The following FSTL4 variants were observed in gnomAD, a reference collection of about 807,000 sequenced individuals.
FSTL4 encodes follistatin like 4.
In FSTL4, 28 loss-of-function variants were observed where a neutral mutation model predicts 78.2. That is an observed-to-expected ratio of 0.36 (90% CI 0.27 to 0.49). FSTL4 has a LOEUF of 0.49. FSTL4 is among the 20% of genes least tolerant of loss of function. FSTL4 has a pLI of 0.98. For missense variants in FSTL4, 922 were observed against 1,084.9 expected, an observed-to-expected ratio of 0.85 and a Z score of 2.11; for synonymous variants, 422 against 440.5, an observed-to-expected ratio of 0.96 and a Z score of 0.53.
At chr5:133,641,143 G>A in the FSTL4 span, among the ~76,000 whole-genome samples, 1 of 152,250 alleles carries the variant, frequency 6.6e-6, no homozygotes, top group East Asian at 1.9e-4. Flanking sequence ...TGCTGATTGA[G>A]TAACTTGGAG....
intron 5 of FSTL4, 128 bp downstream of exon 5, chr5:133,316,331 G>A (rs1054417824): frequency 1.5e-5 from 10 of 681,134 alleles, no homozygotes; most frequent in Admixed American, 8.2e-5. Context: ...GGAAGAACCT[G>A]ACCTCATTTT....
At chr5:133,463,748 T>C (rs530403383) in intron 3 of FSTL4, among the ~76,000 whole-genome samples, 11 of 152,348 alleles carry the variant, frequency 7.2e-5, no homozygotes, top group Admixed American at 5.9e-4. Context: ...CTGGCATAGA[T>C]GACTGATAGC....
intron 3 of FSTL4, among the ~76,000 whole-genome samples, chr5:133,499,471 G>A (rs754242552): frequency 4.0e-5 from 6 of 151,668 alleles, no homozygotes; most frequent in Non-Finnish European, 8.8e-5. Flanking sequence ...TCTGTGATCC[G>A]GGCTCTGAGG....
chr5:133,224,291 C>G, intron 10 of FSTL4, 75 bp from the exon 11 acceptor site: 1 of 1,095,078 alleles, frequency 9.1e-7, no homozygotes, highest in East Asian at 2.4e-5. Context: ...GTTAAACCGT[C>G]ACTGCAGTGA....
chr5:133,737,438 C>T, the FSTL4 span, among the ~76,000 whole-genome samples: 6 of 152,176 alleles, frequency 3.9e-5, no homozygotes, highest in African/African-American at 1.4e-4. Context: ...TGCAGGATCT[C>T]ATTCATTTTT....
At chr5:133,211,094 C>T (rs1441418442) in intron 13 of FSTL4, 1 of 152,264 alleles carries the variant, frequency 6.6e-6, no homozygotes, top group East Asian at 1.9e-4. Context: ...TTCTATCTTG[C>T]ACAGCCTTTG....
intron 1 of FSTL4, among the ~76,000 whole-genome samples, chr5:133,610,791 T>A (rs917003739): frequency 6.6e-6 from 1 of 152,216 alleles, no homozygotes; most frequent in African/African-American, 2.4e-5. Flanking sequence ...TGGTTTCCCC[T>A]AAATTTGGCA....
chr5:133,838,754 G>A, the FSTL4 span, among the ~76,000 whole-genome samples: 1 of 152,302 alleles, frequency 6.6e-6, no homozygotes, highest in East Asian at 1.9e-4. Flanking sequence ...AATTTCTATG[G>A]CATAGTGTTG....
chr5:133,781,734 C>T, the FSTL4 span, among the ~76,000 whole-genome samples: 3 of 152,334 alleles, frequency 2.0e-5, no homozygotes, highest in South Asian at 6.2e-4. Context: ...CCACAATCAG[C>T]ATGCCCACCT....
At chr5:133,299,953 T>C (rs1308592260) in intron 6 of FSTL4, among the ~76,000 whole-genome samples, 2 of 152,198 alleles carry the variant, frequency 1.3e-5, no homozygotes, top group Non-Finnish European at 2.9e-5. Flanking sequence ...GTGTGGCCAC[T>C]ATTGCTCCTT....
In FSTL4 at chr5:133,329,248, A is replaced by G. The variant is rs1754286027; in HGVS notation, c.410-12596T>C. 2.0e-5 allele frequency among the ~76,000 whole-genome samples: 3 copies of G among 152,188 alleles called. No homozygotes were observed. In the East Asian group the frequency reaches 5.8e-4, roughly 29 times the overall value. ...TTGTGGGGATGTTTTTGGTTGTCAC[A>G]ATGATTGGAGGGCCTTGGTAGCACT... On this transcript the variant is annotated intron_variant, in intron 4 of 15. Coordinates refer to ENST00000265342, the MANE Select transcript of FSTL4 (RefSeq NM_015082.2).
chr5:133,575,496 C>T (rs2112952325), intron 2 of FSTL4, among the ~76,000 whole-genome samples: 1 of 152,314 alleles, frequency 6.6e-6, no homozygotes, highest in South Asian at 2.1e-4. Flanking sequence ...AGGCAGTCCT[C>T]CAACATGTGC....
intron 3 of FSTL4, among the ~76,000 whole-genome samples, chr5:133,476,323 C>T (rs1439145521): frequency 1.3e-5 from 2 of 152,144 alleles, no homozygotes; most frequent in African/African-American, 2.4e-5. Flanking sequence ...GCTTATGGCC[C>T]CTCGACCGCC....
At chr5:133,296,766 ATCTGTGTCTCCTCCCTGTAATACAAGT>A (rs1753406181) in intron 6 of FSTL4, among the ~76,000 whole-genome samples, 1 of 152,176 alleles carries the variant, frequency 6.6e-6, no homozygotes, top group Admixed American at 6.5e-5. Flanking sequence ...ATTGTTGTTT[ATCTGTGTCTCCTCCCTGTAATACAAGT>A]TCCGTGAGGG....
the FSTL4 span, among the ~76,000 whole-genome samples, chr5:133,643,881 C>A: frequency 6.6e-6 from 1 of 152,226 alleles, no homozygotes; most frequent in African/African-American, 2.4e-5. Flanking sequence ...AGCCTCGCAG[C>A]AATTCGGGAG....
chr5:133,378,014 A>AC (rs1322318112), intron 4 of FSTL4, among the ~76,000 whole-genome samples: 4 of 152,210 alleles, frequency 2.6e-5, no homozygotes, highest in African/African-American at 9.6e-5. Flanking sequence ...AAAAAACAAA[A>AC]CTGTAAACAA....
chr5:133,215,194 AT>A (rs922281456), intron 13 of FSTL4, among the ~76,000 whole-genome samples: 9 of 151,890 alleles, frequency 5.9e-5, no homozygotes, highest in African/African-American at 1.9e-4. Flanking sequence ...CTTTATCCTA[AT>A]TTTTTCCTAT....
chr5:133,344,119 C>T (rs572158456), intron 4 of FSTL4, among the ~76,000 whole-genome samples: 3 of 152,284 alleles, frequency 2.0e-5, no homozygotes, highest in African/African-American at 4.8e-5. Flanking sequence ...AGGCCTGAGA[C>T]AGCCTGTGAA....
At chr5:133,335,250 C>A (rs1754436964) in intron 4 of FSTL4, among the ~76,000 whole-genome samples, 1 of 152,148 alleles carries the variant, frequency 6.6e-6, no homozygotes, top group Admixed American at 6.5e-5. Context: ...GACCTCTGAG[C>A]ACACAGGGCC....
Sources: gnomAD v4.1 joint callset for allele counts (sites outside exome capture counted in the v4.1 genomes callset) on GRCh38, gnomAD v4.1.1 for gene constraint, MANE v1.5 for transcripts, NCBI Gene and HGNC (gene_info 2026-07-23, HGNC 2026-07-21) for gene names.